DLG2: variants seen among roughly 807,000 people sequenced by gnomAD.
DLG2 encodes discs large MAGUK scaffold protein 2.
In DLG2, 45 loss-of-function variants were observed where a neutral mutation model predicts 132.5. The ratio of observed to expected loss-of-function variants is 0.34; its 90% CI spans 0.27 to 0.44. The LOEUF is 0.44. Ranked by LOEUF, DLG2 falls within the 20% of genes least tolerant of loss-of-function variation. The pLI, the probability that DLG2 is intolerant of heterozygous loss-of-function variation, is 1.00. For synonymous variants in DLG2, 424 were observed against 419.6 expected, an observed-to-expected ratio of 1.01 and a Z score of -0.13; for missense variants, 1,045 against 1,196.9, an observed-to-expected ratio of 0.87 and a Z score of 1.87.
chr11:84,529,085 T>C (rs1482512158), intron 7 of DLG2, among the ~76,000 whole-genome samples: 1 of 152,116 alleles, frequency 6.6e-6, no homozygotes, highest in Non-Finnish European at 1.5e-5. Flanking sequence ...AGAAAAATGG[T>C]ACACATTTAT....
chr11:84,084,690 A>C (rs1270219406), intron 10 of DLG2, among the ~76,000 whole-genome samples: 2 of 152,122 alleles, frequency 1.3e-5, no homozygotes, highest in African/African-American at 4.8e-5. Context: ...TGTACTTCTC[A>C]GTTTTAGTAG....
intron 9 of DLG2, among the ~76,000 whole-genome samples, chr11:84,107,510 A>G (rs1003901297): frequency 1.3e-5 from 2 of 151,912 alleles, no homozygotes; most frequent in Non-Finnish European, 2.9e-5. Context: ...TTATAAATAT[A>G]TCTTGCAATG....
At chr11:85,263,775 C>G (rs1037874968) in intron 4 of DLG2, among the ~76,000 whole-genome samples, 3 of 152,106 alleles carry the variant, frequency 2.0e-5, no homozygotes, top group African/African-American at 7.2e-5. Flanking sequence ...AGCTGGAAAA[C>G]AGGAAAGGGG....
intron 7 of DLG2, among the ~76,000 whole-genome samples, chr11:84,518,024 ATGT>A (rs74867010): frequency 0.072 from 10,293 of 142,374 alleles, 474 homozygotes; most frequent in South Asian, 0.12. Flanking sequence ...AGTTGTGGAG[ATGT>A]TGTCAAAGGA....
rs995625502 is a variant in DLG2, at chr11:84,411,378, C to T, written c.519+123192G>A. On this transcript the variant is annotated intron_variant, in intron 7 of 27. Coordinates refer to ENST00000376104, the MANE Select transcript of DLG2 (RefSeq NM_001142699.3). ...CAGAAAATAACAAGGTAGGCAGGTG[C>T]CTTCCTACTTCTGGTTACTAGAGCT... Among the ~76,000 whole-genome samples, 76 of 152,160 alleles carry T rather than the reference C, an allele frequency of 5.0e-4. 7 individuals are homozygous for T.
At chr11:85,523,430 A>C (rs1287551936) in intron 3 of DLG2, among the ~76,000 whole-genome samples, 1 of 152,240 alleles carries the variant, frequency 6.6e-6, no homozygotes, top group Non-Finnish European at 1.5e-5. Context: ...AGATCTAAAC[A>C]GACATTTCTC....
At chr11:85,485,282 G>A (rs1271191186) in intron 3 of DLG2, among the ~76,000 whole-genome samples, 4 of 152,146 alleles carry the variant, frequency 2.6e-5, no homozygotes, top group Non-Finnish European at 5.9e-5. Context: ...CAGCGCACCA[G>A]CATGGCACAT....
chr11:84,499,272 A>T (rs987453899), intron 7 of DLG2, among the ~76,000 whole-genome samples: 4 of 152,230 alleles, frequency 2.6e-5, no homozygotes, highest in Non-Finnish European at 5.9e-5. Context: ...TACAAGGATT[A>T]GATGAGATAT....
At chr11:84,116,635 A>C (rs879928528) in intron 9 of DLG2, among the ~76,000 whole-genome samples, 1 of 152,188 alleles carries the variant, frequency 6.6e-6, no homozygotes, top group Non-Finnish European at 1.5e-5. Flanking sequence ...CTCCCATGAC[A>C]TGTGGGGATT....
At chr11:83,630,954 T>C (rs1253196229) in intron 19 of DLG2, among the ~76,000 whole-genome samples, 1 of 152,166 alleles carries the variant, frequency 6.6e-6, no homozygotes, top group Non-Finnish European at 1.5e-5. Context: ...TATATTTATA[T>C]AATCAGAGAA....
At chr11:83,752,009 C>CT (rs1376824267) in intron 18 of DLG2, among the ~76,000 whole-genome samples, 1 of 152,220 alleles carries the variant, frequency 6.6e-6, no homozygotes, top group Non-Finnish European at 1.5e-5. Flanking sequence ...TGGCTCACGC[C>CT]TGTAATCCCA....
chr11:84,510,739 T>G (rs1483946379), intron 7 of DLG2, among the ~76,000 whole-genome samples: 2 of 152,228 alleles, frequency 1.3e-5, no homozygotes, highest in Non-Finnish European at 2.9e-5. Context: ...GTTTTATTCA[T>G]CTTTTATTCT....
At chr11:84,984,517 A>G (rs1441564017) in intron 6 of DLG2, among the ~76,000 whole-genome samples, 2 of 152,060 alleles carry the variant, frequency 1.3e-5, no homozygotes, top group African/African-American at 4.8e-5. Context: ...AAACACATCA[A>G]AACAGAACCT....
intron 19 of DLG2, among the ~76,000 whole-genome samples, chr11:83,549,747 CT>C (rs2096340590): frequency 6.6e-6 from 1 of 152,146 alleles, no homozygotes; most frequent in East Asian, 1.9e-4. Flanking sequence ...CATTCGTCCA[CT>C]CGTGCATTTA....
intron 7 of DLG2, among the ~76,000 whole-genome samples, chr11:84,357,110 A>C (rs2098618859): frequency 6.6e-6 from 1 of 152,026 alleles, no homozygotes; most frequent in Non-Finnish European, 1.5e-5. Context: ...ATTTTACCTG[A>C]GACTGAGAGA....
At chr11:84,587,180 T>C (rs887570864) in intron 6 of DLG2, among the ~76,000 whole-genome samples, 1 of 152,242 alleles carries the variant, frequency 6.6e-6, no homozygotes, top group Non-Finnish European at 1.5e-5. Flanking sequence ...GATTAGAAAG[T>C]AGCAGAAGGA....
intron 3 of DLG2, among the ~76,000 whole-genome samples, chr11:85,581,656 G>A (rs780664379): frequency 6.6e-6 from 1 of 151,942 alleles, no homozygotes; most frequent in Non-Finnish European, 1.5e-5. Flanking sequence ...AACAAAAAAA[G>A]AGAAGGCCTT....
intron 7 of DLG2, among the ~76,000 whole-genome samples, chr11:84,309,052 C>T (rs541507003): frequency 6.6e-6 from 1 of 152,260 alleles, no homozygotes; most frequent in African/African-American, 2.4e-5. Context: ...GAGGAGGCAC[C>T]GAGAGCAAGC....
chr11:83,668,717 GTATATAAACACATATATATGTGTATA>G (rs1414225350), intron 18 of DLG2, among the ~76,000 whole-genome samples: 1 of 96,072 alleles, frequency 1.0e-5, no homozygotes, highest in African/African-American at 5.0e-5. Context: ...ATATATATGT[GTATATAAACACATATATATGTGTATA>G]TAAACACACA....
Sources: allele counts gnomAD v4.1 joint callset (sites outside exome capture counted in the v4.1 genomes callset), GRCh38; gene constraint gnomAD v4.1.1; transcripts MANE v1.5; gene names NCBI Gene and HGNC (gene_info 2026-07-23, HGNC 2026-07-21).